HIP1: variants seen among roughly 807,000 people sequenced by gnomAD.
HIP1 encodes huntingtin interacting protein 1, also known as huntingtin-interacting protein 1.
A neutral mutation model predicts 147.6 loss-of-function variants in HIP1; 65 were observed. The observed-to-expected ratio is 0.44, with a 90% CI of 0.36 to 0.54. HIP1 has a LOEUF of 0.54. Ranked by LOEUF, HIP1 falls within the 20% of genes least tolerant of loss-of-function variation. The pLI is 0.00. For synonymous variants in HIP1, 479 were observed against 504.0 expected (o/e 0.95, Z 0.67); for missense variants, 1,061 against 1,299.6 (o/e 0.82, Z 2.82).
intron 1 of HIP1, among the ~76,000 whole-genome samples, chr7:75,689,461 G>A (rs915685825): frequency 1.6e-4 from 24 of 151,382 alleles, no homozygotes; most frequent in African/African-American, 4.6e-4. Context: ...CTGAGATTGC[G>A]CCATTGTATT....
chr7:75,582,210 C>G (rs1053899896), intron 5 of HIP1, 59 bp from the exon 6 acceptor site: 3 of 1,401,018 alleles, frequency 2.1e-6, no homozygotes, highest in Non-Finnish European at 3.0e-6. Context: ...CCTCTCTCAG[C>G]CGGGCGTGGT....
intron 1 of HIP1, chr7:75,639,076 G>C (rs1198192434): frequency 1.0e-6 from 1 of 984,756 alleles, no homozygotes; most frequent in African/African-American, 1.7e-5. Context: ...CATGACCGAG[G>C]CTGCGGGGCA....
chr7:75,688,597 C>T (rs1035617230), intron 1 of HIP1, among the ~76,000 whole-genome samples: 1 of 152,100 alleles, frequency 6.6e-6, no homozygotes, highest in Non-Finnish European at 1.5e-5. Context: ...ACCCTCCACC[C>T]GCCGTCCGGG....
rs1231538781 is a variant in HIP1, at chr7:75,561,401, C to T, written c.1119G>A (p.Lys373=). ...NSQNGVNKDE[K]DHLIERLYRE... The stretch of plus-strand genomic sequence containing the variant: ...TGTATAGTCGCTCAATTAAGTGGTC[C>T]CTGGGAAGAGAAGGGGAATGAGTTT... The change falls in exon 13 of 31, where the codon AAG becomes AAA. Residue 373 remains lysine, a splice_region_variant and synonymous_variant. Coordinates refer to ENST00000336926, the MANE Select transcript of HIP1 (RefSeq NM_005338.7). The T allele has an allele frequency of 6.2e-7, 1 of 1,608,040 alleles. No homozygotes were observed. The highest frequency in any genetic ancestry group is 1.3e-5 in the African/African-American group (1 of 74,758).
chr7:75,693,782 A>T, intron 1 of HIP1, among the ~76,000 whole-genome samples: 1 of 80,056 alleles, frequency 1.2e-5, no homozygotes, highest in African/African-American at 4.8e-5. Flanking sequence ...GAAGGGAGGG[A>T]GGGAGGGAGG....
At chr7:75,682,359 C>T (rs2262259) in intron 1 of HIP1, among the ~76,000 whole-genome samples, 88,333 of 151,274 alleles carry the variant, frequency 0.58, 26,334 homozygotes, top group African/African-American at 0.69. Flanking sequence ...TGGGCTCAAG[C>T]GATCCTCCCG....
At chr7:75,729,333 A>G (rs1407185100) in intron 1 of HIP1, among the ~76,000 whole-genome samples, 2 of 138,398 alleles carry the variant, frequency 1.4e-5, no homozygotes, top group Non-Finnish European at 3.1e-5. Flanking sequence ...AAAAAAAAAA[A>G]TTAATTAGCT....
At chr7:75,608,272 A>T (rs1554504223) in intron 1 of HIP1, among the ~76,000 whole-genome samples, 1 of 152,198 alleles carries the variant, frequency 6.6e-6, no homozygotes, top group Admixed American at 6.6e-5. Context: ...ACGCCACTGC[A>T]CTCCAGCCTG....
In HIP1 at chr7:75,573,839, C is replaced by T. The variant is rs1297988390; in HGVS notation, c.667G>A (p.Ala223Thr). Residue 223 changes from alanine to threonine, a missense_variant, in exon 8 of 31, where the codon GCC (alanine) becomes ACC (threonine). Ala to Thr is a moderately conservative substitution (Grantham distance 58). Around this residue, in one of 3 missense-constraint regions of HIP1, gnomAD observed 225 missense variants for 292.9 expected, o/e 0.77. Transcript: ENST00000336926. ...SVTAAGQCRLAPLIQVILDCS... is the reference protein window; with the variant it reads ...SVTAAGQCRLTPLIQVILDCS... The stretch of plus-strand genomic sequence containing the variant: ...TCCAAGATGACCTGGATCAGCGGGG[C>T]GAGGCGGCACTGCCCTGCTGCCGTC... The T allele has an allele frequency of 8.1e-6, 13 of 1,613,884 alleles. No individual in the cohort carries two copies. The highest frequency in any genetic ancestry group is 2.2e-5 in the East Asian group (1 of 44,892).
At chr7:75,582,417 T>C (rs1554498801) in intron 5 of HIP1, among the ~76,000 whole-genome samples, 1 of 152,222 alleles carries the variant, frequency 6.6e-6, no homozygotes, top group East Asian at 1.9e-4. Context: ...ACAGCCAGCA[T>C]GATCCTGTCA....
intron 7 of HIP1, among the ~76,000 whole-genome samples, chr7:75,574,312 G>A (rs1320277101): frequency 6.6e-6 from 1 of 151,894 alleles, no homozygotes; most frequent in Non-Finnish European, 1.5e-5. Flanking sequence ...GTTTTGGCAG[G>A]GTGTGGTGGC....
chr7:75,564,563 G>C (rs1554495187), intron 9 of HIP1, among the ~76,000 whole-genome samples: 1 of 152,054 alleles, frequency 6.6e-6, no homozygotes, highest in Non-Finnish European at 1.5e-5. Flanking sequence ...CAAAATGTTG[G>C]GGTTATAGGC....
intron 13 of HIP1, among the ~76,000 whole-genome samples, chr7:75,560,837 C>T (rs1225094292): frequency 6.6e-6 from 1 of 151,844 alleles, no homozygotes; most frequent in Non-Finnish European, 1.5e-5. Flanking sequence ...TTGAGTGATC[C>T]TCCTACCTCA....
intron 1 of HIP1, among the ~76,000 whole-genome samples, chr7:75,695,919 C>T (rs1035231103): frequency 2.0e-5 from 3 of 151,342 alleles, no homozygotes; most frequent in Non-Finnish European, 4.4e-5. Context: ...TCAGTTCTGC[C>T]CCCGTGCCTC....
intron 4 of HIP1, among the ~76,000 whole-genome samples, chr7:75,588,128 G>C (rs782641842): frequency 6.6e-6 from 1 of 152,166 alleles, no homozygotes; most frequent in Non-Finnish European, 1.5e-5. Flanking sequence ...GCTGTGATTG[G>C]GGAAGGAAAA....
chr7:75,652,699 A>AC (rs1402255397), intron 1 of HIP1, among the ~76,000 whole-genome samples: 4 of 151,822 alleles, frequency 2.6e-5, no homozygotes, highest in Admixed American at 6.6e-5. Flanking sequence ...AAAAAAAAAA[A>AC]CTCGTTTATA....
intron 1 of HIP1, among the ~76,000 whole-genome samples, chr7:75,663,677 G>A (rs559988861): frequency 6.6e-6 from 1 of 151,498 alleles, no homozygotes; most frequent in Non-Finnish European, 1.5e-5. Flanking sequence ...TCCTGACCAT[G>A]AGCAGTGAAA....
At chr7:75,702,084 C>T (rs1800849563) in intron 1 of HIP1, among the ~76,000 whole-genome samples, 3 of 151,138 alleles carry the variant, frequency 2.0e-5, no homozygotes, top group Non-Finnish European at 4.4e-5. Context: ...TGCCTGCCAC[C>T]ATACCCAGCT....
At chr7:75,629,234 G>A (rs782686099) in intron 1 of HIP1, among the ~76,000 whole-genome samples, 7 of 152,154 alleles carry the variant, frequency 4.6e-5, no homozygotes, top group African/African-American at 9.7e-5. Flanking sequence ...AGTAGGCAGC[G>A]TAAACCCGTT....
Sources: allele counts gnomAD v4.1 joint callset (sites outside exome capture counted in the v4.1 genomes callset), GRCh38; gene constraint gnomAD v4.1.1; regional missense constraint gnomAD v4.1.1; transcripts MANE v1.5; gene names NCBI Gene and HGNC (gene_info 2026-07-23, HGNC 2026-07-21).